The following ARID4B variants were observed in gnomAD, a reference collection of about 807,000 sequenced individuals.
ARID4B encodes AT-rich interactive domain-containing protein 4B.
ARID4B carries 26 observed loss-of-function variants against 147.5 expected under a neutral mutation model. The ratio of observed to expected loss-of-function variants is 0.18; its 90% CI spans 0.13 to 0.24. The LOEUF is 0.24. ARID4B is among the 10% of genes least tolerant of loss of function. The probability of loss-of-function intolerance (pLI) is 1.00; values close to 1 mark genes in which losing one functional copy is unlikely to be tolerated. For synonymous variants in ARID4B, 512 were observed against 507.9 expected, an observed-to-expected ratio of 1.01 and a Z score of -0.11; for missense variants, 1,179 against 1,511.5, an observed-to-expected ratio of 0.78 and a Z score of 3.65.
At chr1:235,209,717 C>T (rs1666585756) in intron 17 of ARID4B, among the ~76,000 whole-genome samples, 1 of 151,686 alleles carries the variant, frequency 6.6e-6, no homozygotes, top group Non-Finnish European at 1.5e-5. Flanking sequence ...GCACCTGCCA[C>T]CATGTCTGGC....
At chr1:235,254,059 C>A (rs1014014186) in intron 5 of ARID4B, among the ~76,000 whole-genome samples, 1 of 152,098 alleles carries the variant, frequency 6.6e-6, no homozygotes, top group African/African-American at 2.4e-5. Context: ...CTAAAATATA[C>A]AACATAAGTG....
chr1:235,265,516 T>C (rs963376132), intron 2 of ARID4B, among the ~76,000 whole-genome samples: 2 of 151,790 alleles, frequency 1.3e-5, no homozygotes, highest in Non-Finnish European at 2.9e-5. Flanking sequence ...CTGGGCAACA[T>C]GGCAAAACCC....
Position 235,229,318 on chromosome 1 carries a change from T to C in ARID4B, c.810A>G (p.Lys270=), listed in dbSNP as rs1306071554. 1 of 1,613,760 alleles carries C rather than the reference T, an allele frequency of 6.2e-7. No individual in the cohort carries two copies. The highest frequency in any genetic ancestry group is 8.5e-7 in the Non-Finnish European group (1 of 1,179,876). The stretch of plus-strand genomic sequence containing the variant: ...CTGCTTCACTGCTAGAGCTATCTTC[T>C]TTCAATTCAGTCTTCCAGTTAGCAG... The part of the protein sequence containing the change: ...TIPANWKTEL[K]EDSSSSEAEE... Residue 270 remains lysine (K), a synonymous_variant, in exon 11 of 24, where the codon AAA becomes AAG. Transcript: ENST00000264183.
At position 235,213,940 on chromosome 1, in the gene ARID4B, T is replaced by C. The variant is rs1666874542; in HGVS notation, c.1670A>G (p.Asp557Gly). The C allele has an allele frequency of 6.2e-7, 1 of 1,610,748 alleles. No individual in the cohort carries two copies. The highest frequency in any genetic ancestry group is 1.3e-5 in the African/African-American group (1 of 74,648). The part of the protein sequence containing the change: ...EEEEEEEDED[D>G]DDNNEEEEFE... ...CTCCTCTTCCTCATTGTTGTCATCATCATCTTCATCCTCTTCTTCTTCTTC... is the reference window on the plus strand; with the variant it reads ...CTCCTCTTCCTCATTGTTGTCATCACCATCTTCATCCTCTTCTTCTTCTTC... Residue 557 changes from aspartate (D) to glycine (G), a missense_variant, in exon 17 of 24, where the codon GAT becomes GGT. Coordinates refer to ENST00000264183, the MANE Select transcript of ARID4B (RefSeq NM_016374.6).
At chr1:235,318,796 G>A (rs1319377429) in intron 2 of ARID4B, among the ~76,000 whole-genome samples, 2 of 151,900 alleles carry the variant, frequency 1.3e-5, no homozygotes, top group Admixed American at 6.6e-5. Flanking sequence ...CAGGAAGATC[G>A]CTTGAACCCA....
At chr1:235,280,544 G>A (rs1003891792) in intron 2 of ARID4B, among the ~76,000 whole-genome samples, 14 of 152,226 alleles carry the variant, frequency 9.2e-5, no homozygotes, top group South Asian at 6.2e-4. Context: ...TCCGCTCCTC[G>A]CCACGCAAAC....
intron 2 of ARID4B, among the ~76,000 whole-genome samples, chr1:235,282,120 T>C (rs1671705369): frequency 6.6e-6 from 1 of 152,190 alleles, no homozygotes; most frequent in Admixed American, 6.5e-5. Flanking sequence ...AAAAACACAA[T>C]CACTCCTAAA....
rs149647899 is a variant in ARID4B at position 235,213,994 on chromosome 1, T to A, written c.1616A>T (p.Asp539Val). The stretch of plus-strand genomic sequence containing the variant: ...CTCCTCCTCCTCTTCTGCTTCTTCA[T>A]CATCTTCATCTTCTTCTTTATTCGT... ...DETNKEEDED[D>V]EEAEEEEEEE... The change falls in exon 17 of 24, where the codon GAT becomes GTT. Residue 539 changes from aspartate to valine, a missense_variant. By Grantham distance (152) the Asp-to-Val change is radical. Coordinates refer to ENST00000264183, the MANE Select transcript of ARID4B (RefSeq NM_016374.6). 12 of 1,590,264 alleles carry A rather than the reference T, an allele frequency of 7.5e-6. No homozygotes were observed. The highest frequency in any genetic ancestry group is 2.2e-5 in the East Asian group (1 of 44,764).
At position 235,174,827 on chromosome 1, in the gene ARID4B, C is replaced by T. The variant is rs2102903927; in HGVS notation, c.3664+357G>A. On this transcript the variant is annotated intron_variant, in intron 22 of 23. Transcript: ENST00000264183. The stretch of plus-strand genomic sequence containing the variant: ...GAGACTCTGTCTCAAAAAAAAAGGC[C>T]AGGCGCAGTGGCTCATGCCTGTAAT... Among the ~76,000 whole-genome samples, 2 of 151,102 alleles carry T rather than the reference C, an allele frequency of 1.3e-5. 1 individual carries two copies. The highest frequency in any genetic ancestry group is 7.0e-3 in the Middle Eastern group (2 of 286).
chr1:235,209,556 G>GTTTTTT (rs547505296), intron 17 of ARID4B, among the ~76,000 whole-genome samples: 2 of 147,132 alleles, frequency 1.4e-5, no homozygotes, highest in African/African-American at 5.1e-5. Context: ...TGATTTTTTT[G>GTTTTTT]TTTTTTGTTT....
At chr1:235,191,049 GCTCTCC>G (rs1405868758) in intron 19 of ARID4B, among the ~76,000 whole-genome samples, 2 of 152,012 alleles carry the variant, frequency 1.3e-5, no homozygotes, top group Non-Finnish European at 2.9e-5. Context: ...TGAAATTCCA[GCTCTCC>G]CTTCCATGTC....
Position 235,168,539 on chromosome 1 carries a change from C to A in ARID4B, c.3925G>T (p.Val1309Phe). 6.2e-7 allele frequency: 1 copy of A among 1,614,054 alleles called. No individual in the cohort carries two copies. Among genetic ancestry groups the A allele is most frequent in the Non-Finnish European group, 8.5e-7 (1 of 1,179,962 alleles). Residue 1309 changes from valine (V) to phenylalanine (F), a missense_variant, in exon 24 of 24, where the codon GTT becomes TTT. Physicochemically the swap from Val to Phe is conservative, Grantham distance 50 (BLOSUM62 -1). Transcript: ENST00000264183. ...AAGTCCTGCTGTCACCTGCACTCAA[C>A]TGACATTCCATTTTGTGATGCGCTG... ...MSSASQNGMS[V>F]ECR
At chr1:235,193,900 C>A (rs1184401692) in intron 19 of ARID4B, 113 bp downstream of exon 19, 31 of 747,350 alleles carry the variant, frequency 4.1e-5, no homozygotes, top group Non-Finnish European at 5.9e-5. Flanking sequence ...AGAGAGCAAA[C>A]AAAACTCTGG....
chr1:235,288,981 T>A (rs1246367058), intron 2 of ARID4B, among the ~76,000 whole-genome samples: 1 of 152,228 alleles, frequency 6.6e-6, no homozygotes, highest in Non-Finnish European at 1.5e-5. Context: ...ATGCAATATC[T>A]TAACAGTCTT....
intron 13 of ARID4B, among the ~76,000 whole-genome samples, chr1:235,221,919 T>TTC (rs1558217449): frequency 9.4e-6 from 1 of 106,688 alleles, no homozygotes; most frequent in East Asian, 2.3e-4. Context: ...TTTTTTTTTT[T>TTC]TGGAGACAGG....
rs576909412 is a variant in ARID4B at position 235,326,065 on chromosome 1, G to A, written c.6+849C>T. Among the ~76,000 whole-genome samples the A allele has an allele frequency of 5.3e-5, 8 of 151,760 alleles. No homozygotes were observed. The South Asian group carries it at 1.0e-3, about 20-fold the overall frequency. ...TTCAAGCACTTCTGAATTTGTAATG[G>A]ATGAAAAAATACAAGCTAGTGTCTA... On this transcript the variant is annotated intron_variant, in intron 2 of 23. Coordinates refer to ENST00000264183, the MANE Select transcript of ARID4B (RefSeq NM_016374.6).
intron 2 of ARID4B, among the ~76,000 whole-genome samples, chr1:235,269,951 G>T (rs1670867199): frequency 6.6e-6 from 1 of 151,178 alleles, no homozygotes; most frequent in South Asian, 2.1e-4. Flanking sequence ...TTGTTTGTCT[G>T]TTTTTTTTGC....
chr1:235,213,620 G>T, intron 17 of ARID4B, 149 bp downstream of exon 17: 1 of 788,228 alleles, frequency 1.3e-6, no homozygotes, highest in Non-Finnish European at 1.9e-6. Context: ...ACTAAGTGAG[G>T]TATTTACATG....
chr1:235,302,937 T>TTTTTTG (rs1673286576), intron 2 of ARID4B, among the ~76,000 whole-genome samples: 1 of 152,010 alleles, frequency 6.6e-6, no homozygotes, highest in Non-Finnish European at 1.5e-5. Context: ...CTTTTTTTCT[T>TTTTTTG]TTTTTTGAGA....
Sources: allele counts gnomAD v4.1 joint callset (sites outside exome capture counted in the v4.1 genomes callset), GRCh38; gene constraint gnomAD v4.1.1; transcripts MANE v1.5; gene names NCBI Gene and HGNC (gene_info 2026-07-23, HGNC 2026-07-21).